UVRAG: variants seen among roughly 807,000 people sequenced by gnomAD.
UVRAG encodes UV radiation resistance associated, also known as UV radiation resistance-associated gene protein.
In UVRAG, 19 loss-of-function variants were observed where a neutral mutation model predicts 78.0. The observed-to-expected ratio is 0.24, with a 90% CI of 0.17 to 0.36. UVRAG has a LOEUF of 0.36. UVRAG is among the 10% of genes least tolerant of loss of function. UVRAG has a pLI of 1.00. For synonymous variants in UVRAG, 323 were observed against 324.6 expected, an observed-to-expected ratio of 1.00 and a Z score of 0.05; for missense variants, 740 against 853.8, an observed-to-expected ratio of 0.87 and a Z score of 1.66.
At chr11:76,082,699 A>G (rs1030691024) in intron 13 of UVRAG, among the ~76,000 whole-genome samples, 2 of 152,178 alleles carry the variant, frequency 1.3e-5, no homozygotes, top group African/African-American at 4.8e-5. Context: ...ATTTTCAGCT[A>G]GAGCGCTTAA....
At chr11:76,080,976 G>A (rs186081610) in intron 13 of UVRAG, among the ~76,000 whole-genome samples, 3 of 152,260 alleles carry the variant, frequency 2.0e-5, no homozygotes, top group Admixed American at 6.5e-5. Context: ...CACAAATTCC[G>A]TTGTAAAACG....
chr11:76,032,529 A>C (rs1950454649), intron 12 of UVRAG, among the ~76,000 whole-genome samples: 2 of 152,220 alleles, frequency 1.3e-5, no homozygotes, highest in Non-Finnish European at 2.9e-5. Flanking sequence ...GAGCACTAGG[A>C]CATACTAGTC....
At chr11:75,875,581 T>C (rs1202355636) in intron 3 of UVRAG, among the ~76,000 whole-genome samples, 2 of 151,962 alleles carry the variant, frequency 1.3e-5, no homozygotes, top group Non-Finnish European at 2.9e-5. Flanking sequence ...TAAATGCGTA[T>C]CAGATCTTTT....
chr11:75,963,101 A>T (rs1175492746), intron 7 of UVRAG, among the ~76,000 whole-genome samples: 1 of 152,160 alleles, frequency 6.6e-6, no homozygotes, highest in Admixed American at 6.5e-5. Flanking sequence ...AGTACATTCT[A>T]TCCCTTTTCC....
chr11:76,066,668 T>G (rs1367614469), intron 13 of UVRAG, among the ~76,000 whole-genome samples: 1 of 152,172 alleles, frequency 6.6e-6, no homozygotes, highest in Non-Finnish European at 1.5e-5. Flanking sequence ...GAGACGGGGT[T>G]TCACCGTGTT....
At chr11:75,945,278 ATTACAGTCTGTTAC>A (rs1948566974) in intron 6 of UVRAG, among the ~76,000 whole-genome samples, 1 of 152,074 alleles carries the variant, frequency 6.6e-6, no homozygotes, top group Non-Finnish European at 1.5e-5. Context: ...AGTAATCTTT[ATTACAGTCTGTTAC>A]TGAAGGCCTC....
At chr11:76,001,563 TAAGTA>T (rs1949815461) in intron 8 of UVRAG, among the ~76,000 whole-genome samples, 1 of 152,140 alleles carries the variant, frequency 6.6e-6, no homozygotes, top group Non-Finnish European at 1.5e-5. Context: ...CCATATTAAC[TAAGTA>T]AAAAGAGAGA....
chr11:75,833,713 TA>T (rs754528654), intron 1 of UVRAG, among the ~76,000 whole-genome samples: 1 of 152,214 alleles, frequency 6.6e-6, no homozygotes, highest in Non-Finnish European at 1.5e-5. Flanking sequence ...ATTGTTTCTA[TA>T]GATTATAGAT....
intron 2 of UVRAG, among the ~76,000 whole-genome samples, chr11:75,853,798 A>T (rs1946218155): frequency 6.6e-6 from 1 of 151,824 alleles, no homozygotes; most frequent in African/African-American, 2.4e-5. Context: ...TTTGAGGCAG[A>T]GTCTCGCTCC....
chr11:75,843,146 A>G (rs1945953151), intron 1 of UVRAG, among the ~76,000 whole-genome samples: 2 of 152,156 alleles, frequency 1.3e-5, no homozygotes, highest in South Asian at 2.1e-4. Flanking sequence ...AGATGCATGC[A>G]AGGGAAAGGT....
intron 3 of UVRAG, among the ~76,000 whole-genome samples, chr11:75,873,343 T>C (rs1424628727): frequency 6.6e-6 from 1 of 152,180 alleles, no homozygotes; most frequent in Non-Finnish European, 1.5e-5. Context: ...AATAGTTTTT[T>C]TTTTTTAATT....
At chr11:75,899,769 G>A (rs1316679661) in intron 5 of UVRAG, among the ~76,000 whole-genome samples, 1 of 152,186 alleles carries the variant, frequency 6.6e-6, no homozygotes, top group East Asian at 1.9e-4. Context: ...GTATCAAAGT[G>A]CTTTATTCTA....
At chr11:76,009,540 A>T (rs1264190649) in intron 11 of UVRAG, among the ~76,000 whole-genome samples, 1 of 152,202 alleles carries the variant, frequency 6.6e-6, no homozygotes, top group Admixed American at 6.5e-5. Flanking sequence ...TTTGAGGCCT[A>T]CTAAATATCT....
chr11:75,866,802 C>T (rs1272200585), intron 3 of UVRAG, among the ~76,000 whole-genome samples: 1 of 152,052 alleles, frequency 6.6e-6, no homozygotes, highest in South Asian at 2.1e-4. Flanking sequence ...TGTATGTATC[C>T]AAATCTAAGT....
rs887224532 is a variant in UVRAG at position 76,140,767 on chromosome 11, T to C, written c.1454T>C (p.Phe485Ser). ...IPVPKRQSSI[F>S]GGADVGFSGG... ...GTTCCTAAGAGACAAAGCTCCATAT[T>C]TGGGGGTGCAGATGTAGGCTTCTCT... The change falls in exon 15 of 15, where the codon TTT (phenylalanine) becomes TCT (serine). Residue 485 changes from phenylalanine to serine, a missense_variant. Phe to Ser is a radical substitution (Grantham distance 155). Coordinates refer to ENST00000356136, the MANE Select transcript of UVRAG (RefSeq NM_003369.4). 1 of 1,612,802 alleles carries C rather than the reference T, an allele frequency of 6.2e-7. No individual in the cohort carries two copies. Among genetic ancestry groups the C allele is most frequent in the Admixed American group, 1.7e-5 (1 of 59,810 alleles).
At chr11:75,947,791 A>C (rs898122121) in intron 6 of UVRAG, among the ~76,000 whole-genome samples, 1 of 152,184 alleles carries the variant, frequency 6.6e-6, no homozygotes, top group Admixed American at 6.5e-5. Flanking sequence ...GTTTTCTCAC[A>C]GGTAGAACGG....
rs1001744325 is a variant in UVRAG at position 76,142,990 on chromosome 11, C to G, written c.*1577C>G. 5.3e-5 allele frequency: 8 copies of G among 152,200 alleles called. No homozygotes were observed. The highest frequency in any genetic ancestry group is 7.3e-5 in the Non-Finnish European group (5 of 68,054). The allele number at this position is 152,200 out of a possible 1,614,324, so 9.4% of individuals were successfully genotyped here. On this transcript the variant is annotated 3_prime_UTR_variant, in exon 15 of 15. Coordinates refer to ENST00000356136, the MANE Select transcript of UVRAG (RefSeq NM_003369.4). The stretch of plus-strand genomic sequence containing the variant: ...CTACATCACAAATAAACCCAACTCT[C>G]AGGCAGTCGAAAGCTTTAACTGGAT...
Position 76,142,853 on chromosome 11 carries a change from C to T in UVRAG, c.*1440C>T, listed in dbSNP as rs757331502. ...CAGTCGCCACATTTGTCCTGCATAA[C>T]AGCTTCACTCACAGGCCTCACCGTC... On this transcript the variant is annotated 3_prime_UTR_variant, in exon 15 of 15. Transcript: ENST00000356136. The T allele has an allele frequency of 6.6e-6, 1 of 152,410 alleles. No homozygotes were observed. The highest frequency in any genetic ancestry group is 1.5e-5 in the Non-Finnish European group (1 of 68,034). 9.4% of individuals were successfully genotyped at this position (152,410 alleles called of 1,614,324 possible). A position where few individuals can be genotyped will look rare whatever the true frequency, so the allele number is the denominator to read the frequency against.
chr11:75,884,212 GTCTCTCTCTCTC>G (rs138821865), intron 4 of UVRAG, among the ~76,000 whole-genome samples: 3 of 144,090 alleles, frequency 2.1e-5, no homozygotes, highest in Non-Finnish European at 3.0e-5. Context: ...TTTGAGATCA[GTCTCTCTCTCTC>G]TCTCTCTCTC....
Sources: gnomAD v4.1 joint callset for allele counts (sites outside exome capture counted in the v4.1 genomes callset) on GRCh38, gnomAD v4.1.1 for gene constraint, MANE v1.5 for transcripts, NCBI Gene and HGNC (gene_info 2026-07-23, HGNC 2026-07-21) for gene names.